The following CDH11 variants were observed in gnomAD, a reference collection of about 807,000 sequenced individuals.
CDH11 encodes cadherin 11, also known as cadherin-11.
CDH11 carries 11 observed loss-of-function variants against 67.8 expected under a neutral mutation model. The ratio of observed to expected loss-of-function variants is 0.16; its 90% CI spans 0.10 to 0.27. The LOEUF (loss-of-function observed/expected upper bound fraction) is 0.27. CDH11 is among the 10% of genes least tolerant of loss of function. The pLI is 1.00. For synonymous variants in CDH11, 419 were observed against 400.0 expected, an observed-to-expected ratio of 1.05 and a Z score of -0.57; for missense variants, 847 against 1,031.2, an observed-to-expected ratio of 0.82 and a Z score of 2.45.
chr16:65,063,087 A>C (rs1270080641), intron 1 of CDH11, among the ~76,000 whole-genome samples: 1 of 152,236 alleles, frequency 6.6e-6, no homozygotes, highest in Non-Finnish European at 1.5e-5. Flanking sequence ...ACAAATTGTG[A>C]CATTCTTGAA....
intron 8 of CDH11, among the ~76,000 whole-genome samples, chr16:64,975,263 C>G (rs1162312047): frequency 6.6e-6 from 1 of 152,166 alleles, no homozygotes; most frequent in African/African-American, 2.4e-5. Flanking sequence ...TGAGAACAAA[C>G]TGTGGAAGCT....
At chr16:64,958,399 A>T (rs1391523967) in intron 11 of CDH11, among the ~76,000 whole-genome samples, 1 of 115,706 alleles carries the variant, frequency 8.6e-6, no homozygotes, top group African/African-American at 2.8e-5. Flanking sequence ...CTATCTTATT[A>T]TTCTGTTATT....
chr16:65,036,394 C>T (rs915431101), intron 2 of CDH11, among the ~76,000 whole-genome samples: 13 of 152,034 alleles, frequency 8.6e-5, no homozygotes, highest in African/African-American at 2.9e-4. Context: ...TGGTACTCTA[C>T]CTGCTTATAT....
intron 1 of CDH11, among the ~76,000 whole-genome samples, chr16:65,076,713 G>A (rs1339908582): frequency 8.1e-6 from 1 of 123,156 alleles, no homozygotes; most frequent in Non-Finnish European, 1.6e-5. Context: ...AGTGTGTGAT[G>A]TTCCCCTCCC....
At chr16:65,061,989 A>G (rs187130291) in intron 1 of CDH11, among the ~76,000 whole-genome samples, 220 of 152,326 alleles carry the variant, frequency 1.4e-3, no homozygotes, top group African/African-American at 5.0e-3. Flanking sequence ...GCCACTCACC[A>G]GTGAAGCCAA....
At chr16:64,955,509 T>C (rs952887600) in intron 11 of CDH11, among the ~76,000 whole-genome samples, 13 of 151,978 alleles carry the variant, frequency 8.6e-5, no homozygotes, top group South Asian at 6.2e-4. Context: ...GAGGCTGAGG[T>C]GGGAGAATTG....
intron 1 of CDH11, among the ~76,000 whole-genome samples, chr16:65,091,576 G>C (rs2074793334): frequency 6.7e-6 from 1 of 148,302 alleles, no homozygotes; most frequent in Non-Finnish European, 1.5e-5. Context: ...TTTTGAGACG[G>C]AGTCTCACTC....
At chr16:65,097,770 T>A (rs182129101) in intron 1 of CDH11, among the ~76,000 whole-genome samples, 51 of 152,250 alleles carry the variant, frequency 3.3e-4, no homozygotes, top group Admixed American at 9.2e-4. Flanking sequence ...CCACAACACA[T>A]GGGATCCTTT....
chr16:64,951,047 G>A (rs755516686), intron 11 of CDH11, 29 bp from the exon 12 acceptor site: 30 of 1,602,284 alleles, frequency 1.9e-5, no homozygotes, highest in South Asian at 3.3e-5. Context: ...CAGGCCGTGC[G>A]CCCAGTCAAG....
At chr16:65,102,865 T>C in intron 1 of CDH11, among the ~76,000 whole-genome samples, 1 of 152,140 alleles carries the variant, frequency 6.6e-6, no homozygotes. Flanking sequence ...GAGCAAAAAA[T>C]GCAGGAAGAT....
intron 2 of CDH11, among the ~76,000 whole-genome samples, chr16:65,005,926 T>G (rs551787940): frequency 6.6e-6 from 1 of 152,286 alleles, no homozygotes; most frequent in Admixed American, 6.5e-5. Context: ...GATAAGCCAG[T>G]AATGCCTTTC....
intron 1 of CDH11, among the ~76,000 whole-genome samples, chr16:65,088,817 A>G (rs2142824157): frequency 6.6e-6 from 1 of 152,328 alleles, no homozygotes; most frequent in South Asian, 2.1e-4. Context: ...ATACATGTTT[A>G]GGTTCAAGAC....
chr16:65,001,327 G>A (rs968006332), intron 3 of CDH11, among the ~76,000 whole-genome samples: 1 of 152,208 alleles, frequency 6.6e-6, no homozygotes, highest in Non-Finnish European at 1.5e-5. Flanking sequence ...ATACAAAGCT[G>A]TTTGATGGCC....
At chr16:64,993,164 T>C in intron 4 of CDH11, 130 bp from the exon 5 acceptor site, 2 of 722,396 alleles carry the variant, frequency 2.8e-6, no homozygotes, top group East Asian at 2.9e-5. Flanking sequence ...CTCATTTTCC[T>C]GGAGTTGAGA....
chr16:64,990,422 G>A (rs1014222619), intron 6 of CDH11, among the ~76,000 whole-genome samples: 6 of 152,080 alleles, frequency 3.9e-5, no homozygotes. Context: ...TATCTCATTT[G>A]CAAAATGTTC....
chr16:65,056,143 A>G (rs529056987), intron 1 of CDH11, among the ~76,000 whole-genome samples: 18 of 152,214 alleles, frequency 1.2e-4, no homozygotes, highest in Non-Finnish European at 2.4e-4. Flanking sequence ...CCTGTAGCTT[A>G]TCTTGTGCTT....
intron 1 of CDH11, among the ~76,000 whole-genome samples, chr16:65,108,683 T>TA (rs1276173758): frequency 2.0e-5 from 2 of 101,962 alleles, no homozygotes; most frequent in Non-Finnish European, 4.3e-5. Context: ...AAATCAATAT[T>TA]TAAAAAAAAA....
intron 12 of CDH11, among the ~76,000 whole-genome samples, chr16:64,949,432 T>A (rs1028631962): frequency 1.3e-5 from 2 of 148,578 alleles, no homozygotes; most frequent in Non-Finnish European, 3.0e-5. Context: ...TTTCTTTTTT[T>A]TTTTTTTTTT....
chr16:65,122,705 GC>G (rs1164464144), upstream of CDH11, among the ~76,000 whole-genome samples: 1 of 152,064 alleles, frequency 6.6e-6, no homozygotes, highest in East Asian at 1.9e-4. Context: ...GTGAAGTCGG[GC>G]GGGGAGGGAG....
Sources: gnomAD v4.1 joint callset for allele counts (sites outside exome capture counted in the v4.1 genomes callset) on GRCh38, gnomAD v4.1.1 for gene constraint, MANE v1.5 for transcripts, NCBI Gene and HGNC (gene_info 2026-07-23, HGNC 2026-07-21) for gene names.